The following CELSR1 variants were observed in gnomAD, a reference collection of about 807,000 sequenced individuals.
CELSR1 encodes the protein cadherin EGF LAG seven-pass G-type receptor 1.
CELSR1 carries 110 observed loss-of-function variants against 249.1 expected under a neutral mutation model. The ratio of observed to expected loss-of-function variants is 0.44; its 90% CI spans 0.38 to 0.52. The LOEUF is 0.52. CELSR1 is among the 20% of genes least tolerant of loss of function. The pLI, the probability that CELSR1 is intolerant of heterozygous loss-of-function variation, is 0.00. For missense variants in CELSR1, 4,109 were observed against 4,296.4 expected, an observed-to-expected ratio of 0.96 and a Z score of 1.22; for synonymous variants, 2,113 against 1,900.0, an observed-to-expected ratio of 1.11 and a Z score of -2.92.
intron 1 of CELSR1, among the ~76,000 whole-genome samples, chr22:46,522,618 C>T (rs1335518873): frequency 6.6e-6 from 1 of 152,162 alleles, no homozygotes; most frequent in African/African-American, 2.4e-5. Context: ...TATTTCATAA[C>T]AGTTTTTAAA....
At chr22:46,387,523 A>AT (rs1425284538) in intron 18 of CELSR1, among the ~76,000 whole-genome samples, 1 of 145,364 alleles carries the variant, frequency 6.9e-6, no homozygotes, top group Admixed American at 6.7e-5. Context: ...CGCCCAGCTG[A>AT]TTTTTTTCAT....
At position 46,365,392 on chromosome 22, in the gene CELSR1, C is replaced by G; in HGVS notation, c.8405-12G>C. The G allele has an allele frequency of 6.2e-7, 1 of 1,612,046 alleles. No individual in the cohort carries two copies. On this transcript the variant is annotated splice_polypyrimidine_tract_variant and intron_variant, in intron 31 of 34. Coordinates refer to ENST00000674500, the MANE Select transcript of CELSR1 (RefSeq NM_001378328.1). ...GTCGGAATCGTGGCCTGTGGATGCG[C>G]GGGGGACAGGGAGGCTCAGGCCCTG...
chr22:46,404,623 C>T (rs2079245355), intron 9 of CELSR1, among the ~76,000 whole-genome samples: 1 of 151,952 alleles, frequency 6.6e-6, no homozygotes, highest in Non-Finnish European at 1.5e-5. Flanking sequence ...GGGGGGCACA[C>T]ACACACAAAA....
At chr22:46,456,778 C>G (rs1171587173) in intron 2 of CELSR1, among the ~76,000 whole-genome samples, 6 of 151,422 alleles carry the variant, frequency 4.0e-5, no homozygotes, top group Non-Finnish European at 8.8e-5. Context: ...AAGATTTTCC[C>G]ATGAGCACAC....
At chr22:46,476,102 A>G (rs1325620497) in intron 1 of CELSR1, among the ~76,000 whole-genome samples, 1 of 152,212 alleles carries the variant, frequency 6.6e-6, no homozygotes, top group Non-Finnish European at 1.5e-5. Flanking sequence ...AAAGCTCAAC[A>G]TAGAATTAAC....
chr22:46,519,609 G>A (rs1399179509), intron 1 of CELSR1, among the ~76,000 whole-genome samples: 1 of 152,168 alleles, frequency 6.6e-6, no homozygotes, highest in African/African-American at 2.4e-5. Flanking sequence ...TCCTGGGCGG[G>A]GTTGGGAGGT....
At chr22:46,364,317 G>A in intron 33 of CELSR1, 66 bp from the exon 34 acceptor site, 3 of 1,574,964 alleles carry the variant, frequency 1.9e-6, no homozygotes, top group Non-Finnish European at 2.6e-6. Context: ...GCTGGGCCGT[G>A]TGCAGCTGAG....
In CELSR1 at chr22:46,374,085, G is replaced by T. The variant is rs2078891307; in HGVS notation, c.7585-1028C>A. On this transcript the variant is annotated intron_variant, in intron 24 of 34. Transcript: ENST00000674500. This position sits in a 1 kb window ranked among gnomAD's most constrained non-coding sequence, Gnocchi z 4.3. ...GATACGGAACAGAGCAGGAACCGAAGCAGGGAACGCAGGCTCAAGTTATGC... is the reference window on the plus strand; with the variant it reads ...GATACGGAACAGAGCAGGAACCGAATCAGGGAACGCAGGCTCAAGTTATGC... 6.6e-6 allele frequency among the ~76,000 whole-genome samples: 1 copy of T among 152,224 alleles called. No homozygotes were observed.
rs1452740221 is a variant in CELSR1, at chr22:46,490,495, C to G, written c.3545-26150G>C. Among the ~76,000 whole-genome samples the G allele has an allele frequency of 6.6e-6, 1 of 152,092 alleles. No individual in the cohort carries two copies. The highest frequency in any genetic ancestry group is 1.5e-5 in the Non-Finnish European group (1 of 68,016). ...AGAGACGGGGTTTCACCATGTTGGT[C>G]AGGCTGGTCTCGAACTCCTGACCGC... On this transcript the variant is annotated intron_variant, in intron 1 of 34. Transcript: ENST00000674500. This position sits in a 1 kb window ranked among gnomAD's most constrained non-coding sequence, Gnocchi z 5.2.
At position 46,390,250 on chromosome 22, in the gene CELSR1, G is replaced by T; in HGVS notation, c.6345+142C>A. 1 of 626,594 alleles carries T rather than the reference G, an allele frequency of 1.6e-6. No individual in the cohort carries two copies. Among genetic ancestry groups the T allele is most frequent in the Non-Finnish European group, 2.6e-6 (1 of 377,630 alleles). The allele number at this position is 626,594 out of a possible 1,614,324, so 38.8% of individuals were successfully genotyped here. On this transcript the variant is annotated intron_variant, in intron 17 of 34. Coordinates refer to ENST00000674500, the MANE Select transcript of CELSR1 (RefSeq NM_001378328.1). This position sits in a 1 kb window ranked among gnomAD's most constrained non-coding sequence, Gnocchi z 6.3. ...CACAGGAACCTGCTGGCTCCAGGCT[G>T]CGGGCCCGTGGGGCTGTCCCTGCGC...
Position 46,536,616 on chromosome 22 carries a change from G to A in CELSR1, c.555C>T (p.Cys185=). Reference sequence around the variant, plus strand: ...CGGCGCCAGCCGCGCGCCGCAGGGCGCACAGCAGACGCAGGCGGACCGAGC... The same window carrying A: ...CGGCGCCAGCCGCGCGCCGCAGGGCACACAGCAGACGCAGGCGGACCGAGC... ...PGGSVRLRLL[C]ALRRAAGAVR... The change falls in exon 1 of 35, where the codon TGC becomes TGT. Residue 185 remains cysteine (C), a synonymous_variant. Coordinates refer to ENST00000674500, the MANE Select transcript of CELSR1 (RefSeq NM_001378328.1). 1 of 1,176,936 alleles carries A rather than the reference G, an allele frequency of 8.5e-7. No homozygotes were observed. Among genetic ancestry groups the A allele is most frequent in the Non-Finnish European group, 1.0e-6 (1 of 955,306 alleles). The allele number at this position is 1,176,936 out of a possible 1,614,324, so 72.9% of individuals were successfully genotyped here. A position where few individuals can be genotyped will look rare whatever the true frequency, so the allele number is the denominator to read the frequency against.
chr22:46,391,744 G>C lies in CELSR1; in HGVS notation c.6037C>G (p.Arg2013Gly). The change falls in exon 15 of 35, where the codon CGC (arginine) becomes GGC (glycine). Residue 2013 changes from arginine (R) to glycine (G), a missense_variant. Coordinates refer to ENST00000674500, the MANE Select transcript of CELSR1 (RefSeq NM_001378328.1). The surrounding 1 kb of genome is among the most constrained non-coding windows in gnomAD (Gnocchi z 4.3). ...TGCCCGGTGGCCATGTCGCAAGTGC[G>C]GCTGTGGGAGCCATGGGGGAAGCAG... ...CDCFPHGSHS[R>G]TCDMATGQCA... The C allele has an allele frequency of 6.2e-7, 1 of 1,612,610 alleles. No individual in the cohort carries two copies. The highest frequency in any genetic ancestry group is 1.3e-5 in the African/African-American group (1 of 75,052).
intron 1 of CELSR1, among the ~76,000 whole-genome samples, chr22:46,491,992 C>T (rs1236091712): frequency 1.3e-5 from 2 of 152,194 alleles, no homozygotes; most frequent in Non-Finnish European, 2.9e-5. Context: ...CTTCACCCCA[C>T]GTCTGTTTCA....
chr22:46,396,549 G>A lies in CELSR1; in HGVS notation c.5843+56C>T, dbSNP rs1455024779. 3 of 1,432,808 alleles carry A rather than the reference G, an allele frequency of 2.1e-6. No homozygotes were observed. Among genetic ancestry groups the A allele is most frequent in the East Asian group, 2.6e-5 (1 of 38,218 alleles). The allele number at this position is 1,432,808 out of a possible 1,614,324, so 88.8% of individuals were successfully genotyped here. ...AAGAAAGAGAAGACACTGAGTCGAG[G>A]GAACACAGCCACATGGACTCTGAAG... On this transcript the variant is annotated intron_variant, in intron 13 of 34. Coordinates refer to ENST00000674500, the MANE Select transcript of CELSR1 (RefSeq NM_001378328.1). This position sits in a 1 kb window ranked among gnomAD's most constrained non-coding sequence, Gnocchi z 6.4.
At position 46,433,474 on chromosome 22, in the gene CELSR1, T is replaced by C. The variant is rs535929975; in HGVS notation, c.4530A>G (p.Thr1510=). Reference sequence around the variant, plus strand: ...GAACCTTCGGTGCCACGGTCGTTGTTGTCTCGCCTGCATGGTGGGAGGGAG... The same window carrying C: ...GAACCTTCGGTGCCACGGTCGTTGTCGTCTCGCCTGCATGGTGGGAGGGAG... The part of the protein sequence containing the change: ...QVQLTFSAGE[T]TTTVAPKVPS... Residue 1510 remains threonine (T), a synonymous_variant, in exon 5 of 35, where the codon ACA becomes ACG. Transcript: ENST00000674500. This position sits in a 1 kb window ranked among gnomAD's most constrained non-coding sequence, Gnocchi z 5.7. 1.9e-6 allele frequency: 3 copies of C among 1,613,792 alleles called. No individual in the cohort carries two copies. Among genetic ancestry groups the C allele is most frequent in the African/African-American group, 2.7e-5 (2 of 75,046 alleles).
Position 46,412,978 on chromosome 22 carries a change from G to T in CELSR1, c.4612-1219C>A, listed in dbSNP as rs1205210178. On this transcript the variant is annotated intron_variant, in intron 5 of 34. Transcript: ENST00000674500. This position sits in a 1 kb window ranked among gnomAD's most constrained non-coding sequence, Gnocchi z 4.5. ...AGAGCCTCCCCCTCCACCCCAGAGA[G>T]AACCTTTTCTTCCAGTCCCAGCAGG... Among the ~76,000 whole-genome samples, 3 of 152,162 alleles carry T rather than the reference G, an allele frequency of 2.0e-5. No individual in the cohort carries two copies. Among genetic ancestry groups the T allele is most frequent in the Non-Finnish European group, 4.4e-5 (3 of 68,028 alleles).
At position 46,535,720 on chromosome 22, in the gene CELSR1, G is replaced by A. The variant is rs757611893; in HGVS notation, c.1451C>T (p.Thr484Met). The A allele has an allele frequency of 3.1e-6, 5 of 1,612,496 alleles. No homozygotes were observed. The highest frequency in any genetic ancestry group is 1.7e-5 in the Admixed American group (1 of 60,002). The change falls in exon 1 of 35, where the codon ACG becomes ATG. Residue 484 changes from threonine to methionine, a missense_variant. Thr to Met is a moderately conservative substitution (Grantham distance 81, BLOSUM62 -1). Transcript: ENST00000674500. ...LNTAVLRVQA[T>M]DRDQGQNAAI... is the part of the protein sequence containing the mutation. ...CGCGTTCTGGCCCTGGTCCCGGTCC[G>A]TGGCCTGCACTCGCAGCACAGCCGT...
chr22:46,375,182 T>C (rs2078905597), intron 24 of CELSR1, among the ~76,000 whole-genome samples: 2 of 152,162 alleles, frequency 1.3e-5, no homozygotes, highest in Non-Finnish European at 2.9e-5. Context: ...CTGGTCTTTT[T>C]ATTCCGTTTC....
intron 1 of CELSR1, among the ~76,000 whole-genome samples, chr22:46,475,659 T>TC (rs71318836): frequency 6.7e-6 from 1 of 149,722 alleles, no homozygotes. Context: ...AAGAAACGAA[T>TC]GGGGGGGGAA....
Sources: allele counts gnomAD v4.1 joint callset (sites outside exome capture counted in the v4.1 genomes callset), GRCh38; gene constraint gnomAD v4.1.1; non-coding constraint Gnocchi (gnomAD v3.1); transcripts MANE v1.5; gene names NCBI Gene and HGNC (gene_info 2026-07-23, HGNC 2026-07-21).